Variants in PPP4R3B observed in about 807,000 individuals in gnomAD.
PPP4R3B encodes serine/threonine-protein phosphatase 4 regulatory subunit 3B.
Under a neutral mutation model 95.4 loss-of-function variants are expected in PPP4R3B, and 52 were observed. The observed-to-expected ratio is 0.54, with a 90% CI of 0.44 to 0.69. PPP4R3B has a LOEUF of 0.69. Ranked by LOEUF, PPP4R3B falls within the 30% of genes least tolerant of loss-of-function variation. The probability of loss-of-function intolerance (pLI) is 0.00; values close to 1 mark genes in which losing one functional copy is unlikely to be tolerated. For missense variants in PPP4R3B, 1,003 were observed against 1,005.9 expected, an observed-to-expected ratio of 1.00 and a Z score of 0.04; for synonymous variants, 407 against 343.9, an observed-to-expected ratio of 1.18 and a Z score of -2.03.
intron 16 of PPP4R3B, among the ~76,000 whole-genome samples, chr2:55,554,657 A>C (rs1395673243): frequency 6.6e-6 from 1 of 152,194 alleles, no homozygotes; most frequent in Non-Finnish European, 1.5e-5. Flanking sequence ...TACTTATCAG[A>C]TATATCATTT....
intron 7 of PPP4R3B, among the ~76,000 whole-genome samples, chr2:55,582,656 T>C (rs1689593182): frequency 1.3e-5 from 2 of 152,184 alleles, no homozygotes; most frequent in Admixed American, 1.3e-4. Context: ...ACTGACACTG[T>C]CTGGTAAGAT....
At chr2:55,583,436 G>A (rs1245342453) in intron 7 of PPP4R3B, among the ~76,000 whole-genome samples, 1 of 151,978 alleles carries the variant, frequency 6.6e-6, no homozygotes, top group Non-Finnish European at 1.5e-5. Context: ...CTAAGTCTTA[G>A]GTATCAATTA....
intron 3 of PPP4R3B, among the ~76,000 whole-genome samples, chr2:55,602,508 G>A (rs1378906488): frequency 2.0e-5 from 3 of 152,164 alleles, no homozygotes; most frequent in Admixed American, 6.6e-5. Flanking sequence ...TGGGGGCCTT[G>A]GACCACAAGA....
chr2:55,553,534 C>T (rs1368547657), intron 16 of PPP4R3B, among the ~76,000 whole-genome samples: 2 of 152,116 alleles, frequency 1.3e-5, no homozygotes, highest in Non-Finnish European at 2.9e-5. Flanking sequence ...GTTACGTAAT[C>T]ACCACCAATT....
At chr2:55,576,481 G>A (rs543952660) in intron 11 of PPP4R3B, among the ~76,000 whole-genome samples, 3 of 151,780 alleles carry the variant, frequency 2.0e-5, no homozygotes, top group East Asian at 1.9e-4. Context: ...GGTGGCTCAC[G>A]CCTGTAATCC....
intron 2 of PPP4R3B, among the ~76,000 whole-genome samples, chr2:55,605,467 C>T (rs140973501): frequency 6.6e-6 from 1 of 152,256 alleles, no homozygotes; most frequent in East Asian, 1.9e-4. Flanking sequence ...TTAATCCAGG[C>T]CTCAGATTAA....
chr2:55,576,453 C>A (rs67100411), intron 11 of PPP4R3B, among the ~76,000 whole-genome samples: 76 of 92,776 alleles, frequency 8.2e-4, no homozygotes, highest in South Asian at 4.2e-3. Context: ...TTTAAAAAAA[C>A]AAAAACAGGC....
intron 3 of PPP4R3B, among the ~76,000 whole-genome samples, chr2:55,599,313 C>CTATT (rs1392629917): frequency 6.6e-6 from 1 of 152,176 alleles, no homozygotes; most frequent in Non-Finnish European, 1.5e-5. Context: ...TGGCATACGC[C>CTATT]TGTAATCTCA....
rs1270194580 is a variant in PPP4R3B, at chr2:55,547,627, G to A, written c.*2284C>T. On this transcript the variant is annotated 3_prime_UTR_variant, in exon 17 of 17. Transcript: ENST00000616407. ...AGGTTCTGATGATTTAAATGTTTAAGACTTATGGCAGCTCTTCAGAAAGAA... is the reference window on the plus strand; with the variant it reads ...AGGTTCTGATGATTTAAATGTTTAAAACTTATGGCAGCTCTTCAGAAAGAA... 1 of 152,170 alleles carries A rather than the reference G, an allele frequency of 6.6e-6. No individual in the cohort carries two copies. Among genetic ancestry groups the A allele is most frequent in the Non-Finnish European group, 1.5e-5 (1 of 68,042 alleles). The allele number at this position is 152,170 out of a possible 1,614,324, so 9.4% of individuals were successfully genotyped here. A position where few individuals can be genotyped will look rare whatever the true frequency, so the allele number is the denominator to read the frequency against.
At chr2:55,555,582 C>T (rs566271808) in intron 16 of PPP4R3B, among the ~76,000 whole-genome samples, 10 of 152,164 alleles carry the variant, frequency 6.6e-5, no homozygotes, top group African/African-American at 1.7e-4. Flanking sequence ...GGCATGGTGT[C>T]GCACACCTGT....
intron 15 of PPP4R3B, among the ~76,000 whole-genome samples, chr2:55,561,078 C>T (rs1686548758): frequency 6.6e-6 from 1 of 152,076 alleles, no homozygotes; most frequent in African/African-American, 2.4e-5. Flanking sequence ...GGCCCAGGGC[C>T]CTGCTGCTCT....
chr2:55,577,476 A>T, intron 10 of PPP4R3B, 120 bp from the exon 11 acceptor site: 1 of 1,062,246 alleles, frequency 9.4e-7, no homozygotes, highest in Non-Finnish European at 1.2e-6. Context: ...CCTCAAAATA[A>T]CCATAAAGAC....
At chr2:55,585,226 CT>C in intron 6 of PPP4R3B, 59 bp from the exon 7 acceptor site, 2 of 1,300,536 alleles carry the variant, frequency 1.5e-6, no homozygotes, top group Middle Eastern at 1.9e-4. Context: ...TCTCACATTT[CT>C]TTTTTCTTTT....
In PPP4R3B at chr2:55,617,138, C is replaced by T; in HGVS notation, c.142+6G>A. The stretch of plus-strand genomic sequence containing the variant: ...ATCCCCTATTCTACAGTTCCGATAA[C>T]CTTACCGTCGGACTCTGCCCGAACC... On this transcript the variant is annotated splice_donor_region_variant and intron_variant, in intron 1 of 16. Coordinates refer to ENST00000616407, the MANE Select transcript of PPP4R3B (RefSeq NM_001122964.3). 1 of 1,609,664 alleles carries T rather than the reference C, an allele frequency of 6.2e-7. No individual in the cohort carries two copies. Among genetic ancestry groups the T allele is most frequent in the Non-Finnish European group, 8.5e-7 (1 of 1,178,072 alleles).
At position 55,617,452 on chromosome 2, in the gene PPP4R3B, CAAG is replaced by C. The variant is rs1695127351; in HGVS notation, c.-170_-168del. The C allele has an allele frequency of 1.3e-6, 1 of 770,710 alleles. No individual in the cohort carries two copies. Among genetic ancestry groups the C allele is most frequent in the Admixed American group, 3.6e-5 (1 of 27,526 alleles). 47.7% of individuals were successfully genotyped at this position (770,710 alleles called of 1,614,324 possible). On this transcript the variant is annotated 5_prime_UTR_variant, in exon 1 of 17. Transcript: ENST00000616407. ...AAGGTTCAGCCGCGAGAAGGGGTGA[CAAG>C]AGCCACTGAGGCCTCTCCGCCCGGA...
chr2:55,613,594 C>A (rs1454915034), intron 2 of PPP4R3B, among the ~76,000 whole-genome samples: 2 of 151,976 alleles, frequency 1.3e-5, no homozygotes, highest in Non-Finnish European at 2.9e-5. Context: ...TTCACAGAAT[C>A]ACTATGTATT....
intron 8 of PPP4R3B, among the ~76,000 whole-genome samples, 188 bp downstream of exon 8, chr2:55,581,379 A>T (rs2104238546): frequency 6.6e-6 from 1 of 152,358 alleles, no homozygotes; most frequent in Middle Eastern, 3.4e-3. Context: ...TGGAATTCCT[A>T]ACATTTTACT....
chr2:55,590,000 T>C (rs546922755), intron 4 of PPP4R3B, among the ~76,000 whole-genome samples: 1 of 144,644 alleles, frequency 6.9e-6, no homozygotes, highest in Non-Finnish European at 1.5e-5. Flanking sequence ...TATATATATA[T>C]AATATATATA....
intron 16 of PPP4R3B, among the ~76,000 whole-genome samples, chr2:55,555,762 T>G (rs1166867042): frequency 6.6e-6 from 1 of 152,220 alleles, no homozygotes; most frequent in East Asian, 1.9e-4. Flanking sequence ...GTTATATCCA[T>G]ACTTTTAAGT....
Sources: gnomAD v4.1 joint callset for allele counts (sites outside exome capture counted in the v4.1 genomes callset) on GRCh38, gnomAD v4.1.1 for gene constraint, MANE v1.5 for transcripts, NCBI Gene and HGNC (gene_info 2026-07-23, HGNC 2026-07-21) for gene names.